Variants in BNC2 observed in about 807,000 individuals in gnomAD.
BNC2 encodes the protein basonuclin zinc finger protein 2, also known as zinc finger protein basonuclin-2.
BNC2 carries 20 observed loss-of-function variants against 76.3 expected under a neutral mutation model. That is an observed-to-expected ratio of 0.26 (90% CI 0.18 to 0.38). The LOEUF (loss-of-function observed/expected upper bound fraction) is 0.38, where lower values mean the gene tolerates loss of function less well. Among genes scored for constraint, BNC2 ranks in the 10% least tolerant of loss-of-function variants. The pLI is 1.00. For synonymous variants in BNC2, 582 were observed against 514.8 expected, an observed-to-expected ratio of 1.13 and a Z score of -1.77; for missense variants, 1,382 against 1,399.8, an observed-to-expected ratio of 0.99 and a Z score of 0.20.
intron 1 of BNC2, among the ~76,000 whole-genome samples, chr9:16,858,510 G>T (rs1012968245): frequency 1.3e-5 from 2 of 152,124 alleles, no homozygotes; most frequent in Admixed American, 1.3e-4. Context: ...AACTGCTAAA[G>T]GCAACAAAAG....
At chr9:16,807,620 C>A (rs778156327) in intron 1 of BNC2, among the ~76,000 whole-genome samples, 1 of 152,158 alleles carries the variant, frequency 6.6e-6, no homozygotes, top group African/African-American at 2.4e-5. Flanking sequence ...TAAACACTAT[C>A]TGTGGGAAGG....
intron 5 of BNC2, 96 bp downstream of exon 5, chr9:16,552,434 G>A: frequency 4.1e-6 from 4 of 982,986 alleles, no homozygotes; most frequent in Non-Finnish European, 6.4e-6. Context: ...CCAGAGGAGG[G>A]TGTGCAGCCC....
intron 4 of BNC2, among the ~76,000 whole-genome samples, chr9:16,569,831 AATT>A (rs1031816559): frequency 1.1e-4 from 16 of 152,160 alleles, no homozygotes; most frequent in Admixed American, 3.3e-4. Context: ...CAGGTTTGGG[AATT>A]ATTATTATTG....
At chr9:16,449,897 C>A (rs1291039546) in intron 5 of BNC2, among the ~76,000 whole-genome samples, 2 of 151,930 alleles carry the variant, frequency 1.3e-5, no homozygotes, top group Admixed American at 1.3e-4. Context: ...AATACATTTC[C>A]TATTATTTTG....
chr9:16,791,232 T>C (rs1817502760), intron 1 of BNC2, among the ~76,000 whole-genome samples: 1 of 152,044 alleles, frequency 6.6e-6, no homozygotes, highest in Non-Finnish European at 1.5e-5. Context: ...TGGCTAATTT[T>C]TTGTATTTTT....
In BNC2 at chr9:16,415,131, C is replaced by A. The variant is rs1308167641; in HGVS notation, c.*3858G>T. On this transcript the variant is annotated 3_prime_UTR_variant, in exon 7 of 7. Transcript: ENST00000380672. The stretch of plus-strand genomic sequence containing the variant: ...ACACCTTTAAACCTTTAAAAGGCAT[C>A]AGGCTGAACAGGGCAGCTGGACTAA... 6.6e-6 allele frequency: 1 copy of A among 152,166 alleles called. No individual in the cohort carries two copies. Among genetic ancestry groups the A allele is most frequent in the Non-Finnish European group, 1.5e-5 (1 of 68,028 alleles). 9.4% of individuals were successfully genotyped at this position (152,166 alleles called of 1,614,324 possible). A position where few individuals can be genotyped will look rare whatever the true frequency, so the allele number is the denominator to read the frequency against.
chr9:16,505,569 G>C (rs756184265), intron 5 of BNC2, among the ~76,000 whole-genome samples: 1 of 152,068 alleles, frequency 6.6e-6, no homozygotes, highest in Non-Finnish European at 1.5e-5. Flanking sequence ...TATGCAGCCA[G>C]GATTTAAAGA....
At chr9:16,855,324 GCTCT>G (rs1348741739) in intron 1 of BNC2, among the ~76,000 whole-genome samples, 1 of 152,142 alleles carries the variant, frequency 6.6e-6, no homozygotes, top group Non-Finnish European at 1.5e-5. Context: ...TGAATTTTGT[GCTCT>G]CTCTTAGGAT....
chr9:16,476,724 A>C (rs2131444981), intron 5 of BNC2, among the ~76,000 whole-genome samples: 1 of 152,304 alleles, frequency 6.6e-6, no homozygotes, highest in Non-Finnish European at 1.5e-5. Context: ...AATACATGTC[A>C]AATGACTGAA....
chr9:16,725,447 A>G (rs1371667062), intron 3 of BNC2, among the ~76,000 whole-genome samples: 1 of 152,186 alleles, frequency 6.6e-6, no homozygotes, highest in Non-Finnish European at 1.5e-5. Context: ...CACAAGAGGT[A>G]AACATTCAGT....
intron 3 of BNC2, among the ~76,000 whole-genome samples, chr9:16,643,655 AG>A (rs1821550128): frequency 6.6e-6 from 1 of 151,970 alleles, no homozygotes; most frequent in Non-Finnish European, 1.5e-5. Context: ...AAAAATATGG[AG>A]AAATTATATT....
At chr9:16,530,702 A>C (rs2132222072) in intron 5 of BNC2, among the ~76,000 whole-genome samples, 1 of 152,310 alleles carries the variant, frequency 6.6e-6, no homozygotes, top group East Asian at 1.9e-4. Context: ...TGCACCACAA[A>C]CCATGGTATA....
intron 1 of BNC2, among the ~76,000 whole-genome samples, chr9:16,820,122 CAAAA>C (rs11387388): frequency 1.2e-5 from 1 of 81,786 alleles, no homozygotes; most frequent in Non-Finnish European, 2.1e-5. Flanking sequence ...GAGACTGTCT[CAAAA>C]AAAAAAAAAA....
chr9:16,493,865 A>C (rs1259906047), intron 5 of BNC2, among the ~76,000 whole-genome samples: 1 of 152,128 alleles, frequency 6.6e-6, no homozygotes, highest in Non-Finnish European at 1.5e-5. Flanking sequence ...AGAGTGGAGG[A>C]AAGCATGGCG....
chr9:16,657,936 A>G (rs1821978110), intron 3 of BNC2, among the ~76,000 whole-genome samples: 1 of 152,090 alleles, frequency 6.6e-6, no homozygotes, highest in Non-Finnish European at 1.5e-5. Context: ...GTAATCTCTG[A>G]TTTTCTAAAA....
chr9:16,507,676 C>T (rs1380425266), intron 5 of BNC2, among the ~76,000 whole-genome samples: 1 of 152,180 alleles, frequency 6.6e-6, no homozygotes, highest in Non-Finnish European at 1.5e-5. Flanking sequence ...ATCCGCCTGC[C>T]TTGGCTTCCC....
intron 5 of BNC2, among the ~76,000 whole-genome samples, chr9:16,549,387 C>T (rs1015785662): frequency 2.0e-5 from 3 of 152,208 alleles, no homozygotes; most frequent in South Asian, 2.1e-4. Context: ...TCTCCTTTAA[C>T]TGACATAATA....
intron 1 of BNC2, among the ~76,000 whole-genome samples, chr9:16,774,679 C>G (rs1825916697): frequency 6.6e-6 from 1 of 152,220 alleles, no homozygotes; most frequent in African/African-American, 2.4e-5. Context: ...CCTGTTTAAA[C>G]ATACTGAATA....
At chr9:16,528,490 G>A (rs1817879264) in intron 5 of BNC2, among the ~76,000 whole-genome samples, 1 of 152,148 alleles carries the variant, frequency 6.6e-6, no homozygotes, top group South Asian at 2.1e-4. Context: ...TAATATATGA[G>A]ATGGTTTCTA....
Sources: gnomAD v4.1 joint callset for allele counts (sites outside exome capture counted in the v4.1 genomes callset) on GRCh38, gnomAD v4.1.1 for gene constraint, MANE v1.5 for transcripts, NCBI Gene and HGNC (gene_info 2026-07-23, HGNC 2026-07-21) for gene names.